The following RDH13 variants were observed in gnomAD, a reference collection of about 807,000 sequenced individuals.
RDH13 encodes the protein retinol dehydrogenase 13, also known as retinol dehydrogenase 13 (all-trans and 9-cis).
RDH13 carries 35 observed loss-of-function variants against 28.3 expected under a neutral mutation model. The observed-to-expected ratio is 1.24, with a 90% CI of 0.95 to 1.64. RDH13 has a LOEUF of 1.64. Ranked by LOEUF, RDH13 falls within the 40% of genes most tolerant of loss-of-function variation. The pLI is 0.00. For missense variants in RDH13, 514 were observed against 446.3 expected, an observed-to-expected ratio of 1.15 and a Z score of -1.37; for synonymous variants, 229 against 198.5, an observed-to-expected ratio of 1.15 and a Z score of -1.29.
At chr19:55,054,220 C>A (rs576408071) in intron 3 of RDH13, among the ~76,000 whole-genome samples, 233 of 152,340 alleles carry the variant, frequency 1.5e-3, no homozygotes, top group Middle Eastern at 3.4e-3. Flanking sequence ...ATTCCTTGTT[C>A]ATTTCCTGAG....
At chr19:55,052,521 A>AACAAG (rs1254810949) in intron 3 of RDH13, among the ~76,000 whole-genome samples, 9 of 149,010 alleles carry the variant, frequency 6.0e-5, no homozygotes, top group Non-Finnish European at 1.0e-4. Context: ...CAGCCTGGGC[A>AACAAG]ACAAGAGCAA....
chr19:55,049,724 G>A (rs1040188316), intron 3 of RDH13, among the ~76,000 whole-genome samples: 12 of 151,762 alleles, frequency 7.9e-5, no homozygotes, highest in Non-Finnish European at 1.6e-4. Flanking sequence ...AGGAGGCAGA[G>A]GGTGCAGTGA....
intron 3 of RDH13, among the ~76,000 whole-genome samples, chr19:55,051,645 G>C (rs2075439550): frequency 6.6e-6 from 1 of 151,646 alleles, no homozygotes. Context: ...GGTCAGGCTG[G>C]TCTTGAATTC....
At chr19:55,057,136 T>C (rs1421969040) in intron 2 of RDH13, among the ~76,000 whole-genome samples, 7 of 152,190 alleles carry the variant, frequency 4.6e-5, no homozygotes, top group Non-Finnish European at 7.3e-5. Flanking sequence ...CAATCCCATT[T>C]ACATGAATTC....
chr19:55,058,577 C>T (rs1435530277), intron 2 of RDH13, among the ~76,000 whole-genome samples: 3 of 152,232 alleles, frequency 2.0e-5, no homozygotes, highest in African/African-American at 7.2e-5. Context: ...CTGTAGGTAG[C>T]TCCTGTAAGT....
chr19:55,069,255 T>G (rs1372052603), intron 1 of RDH13: 1 of 143,572 alleles, frequency 7.0e-6, no homozygotes, highest in Non-Finnish European at 1.5e-5. Flanking sequence ...CCCTGTGTCA[T>G]AAGCGCCTCT....
chr19:55,043,117 TA>T (rs1210968707), downstream of RDH13: 2 of 152,236 alleles, frequency 1.3e-5, no homozygotes, highest in African/African-American at 4.8e-5. Flanking sequence ...GAAAGAAAAC[TA>T]AGGCCAGGTA....
intron 3 of RDH13, among the ~76,000 whole-genome samples, chr19:55,054,884 G>A (rs1259321484): frequency 6.6e-6 from 1 of 152,032 alleles, no homozygotes; most frequent in Admixed American, 6.6e-5. Context: ...TAATGCATAT[G>A]TTAATTAGCT....
chr19:55,064,586 T>C (rs1282406888), upstream of RDH13, among the ~76,000 whole-genome samples: 1 of 151,714 alleles, frequency 6.6e-6, no homozygotes, highest in Non-Finnish European at 1.5e-5. Context: ...GATTGGGAAG[T>C]CACAGGATTT....
intron 3 of RDH13, chr19:55,050,737 G>C (rs1474739162): frequency 6.6e-6 from 1 of 152,212 alleles, no homozygotes; most frequent in Non-Finnish European, 1.5e-5. Flanking sequence ...TGGGGGTTCA[G>C]GATCCCAACC....
At chr19:55,055,471 A>G (rs1016654433) in intron 3 of RDH13, among the ~76,000 whole-genome samples, 1 of 151,938 alleles carries the variant, frequency 6.6e-6, no homozygotes, top group Non-Finnish European at 1.5e-5. Flanking sequence ...TCTTCTTTAC[A>G]TTGCAGTATT....
At position 55,056,725 on chromosome 19, in the gene RDH13, G is replaced by A. The variant is rs1283565028; in HGVS notation, c.268C>T (p.His90Tyr). ...AAGTCCAGGTGCCGGGCGTTGACAT[G>A]GTGATTGAGGGTCTCCCCGCGGATG... is the stretch of plus-strand genomic sequence containing the variant. ...KDIRGETLNH[H>Y]VNARHLDLAS... The change falls in exon 3 of 7, where the codon CAT (histidine) becomes TAT (tyrosine). Residue 90 changes from histidine to tyrosine, a missense_variant. His to Tyr is a moderately conservative substitution (Grantham distance 83, BLOSUM62 2). Transcript: ENST00000415061. 12 of 1,613,944 alleles carry A rather than the reference G, an allele frequency of 7.4e-6. No individual in the cohort carries two copies. Among genetic ancestry groups the A allele is most frequent in the Non-Finnish European group, 1.0e-5 (12 of 1,180,028 alleles).
At chr19:55,040,753 G>A (rs374068754), downstream of RDH13, 11 of 152,322 alleles carry the variant, frequency 7.2e-5, no homozygotes, top group Admixed American at 3.3e-4. Context: ...AATTGTTGGC[G>A]TTTTTGTTTG....
intron 1 of RDH13, among the ~76,000 whole-genome samples, chr19:55,061,782 C>T (rs752712411): frequency 1.5e-5 from 2 of 137,818 alleles, no homozygotes; most frequent in South Asian, 2.5e-4. Context: ...GACAGAGAGA[C>T]CCTGTCTCCA....
Position 55,063,045 on chromosome 19 carries a change from A to ACAGGTGT in RDH13, c.-14_-13insACACCTG. 1 of 1,241,892 alleles carries ACAGGTGT rather than the reference A, an allele frequency of 8.1e-7. No homozygotes were observed. 76.9% of individuals were successfully genotyped at this position (1,241,892 alleles called of 1,614,324 possible). On this transcript the variant is annotated 5_prime_UTR_variant, in exon 1 of 7. Coordinates refer to ENST00000415061, the MANE Select transcript of RDH13 (RefSeq NM_001145971.2). ...GGTAGCGGCTCATGCCGGGCCGGGG[A>ACAGGTGT]CAGGCGTCAGGCGTCAGGGGTCGGC...
At position 55,048,478 on chromosome 19, in the gene RDH13, A is replaced by ATT; in HGVS notation, c.508_509insAA (p.Ile170LysfsTer14). Reference sequence around the variant, plus strand: ...AACATGGGCCAGGGACGAGAGGTTGATGATCCGCGAAGGGGCTGAGGCTTT... The same window carrying ATT: ...AACATGGGCCAGGGACGAGAGGTTGATTTGATCCGCGAAGGGGCTGAGGCTTT... On this transcript the variant is annotated frameshift_variant, in exon 5 of 7. Transcript: ENST00000415061. LOFTEE classifies it high-confidence loss of function. 1 of 1,614,224 alleles carries ATT rather than the reference A, an allele frequency of 6.2e-7. No individual in the cohort carries two copies. The highest frequency in any genetic ancestry group is 8.5e-7 in the Non-Finnish European group (1 of 1,180,048).
At chr19:55,058,873 G>A (rs1004691253) in intron 2 of RDH13, among the ~76,000 whole-genome samples, 2 of 152,156 alleles carry the variant, frequency 1.3e-5, no homozygotes, top group Admixed American at 1.3e-4. Flanking sequence ...TAGAGAGGGG[G>A]TTTCACCATG....
At chr19:55,059,036 GT>G (rs2075726826) in intron 2 of RDH13, 120 bp downstream of exon 2, 5 of 675,436 alleles carry the variant, frequency 7.4e-6, no homozygotes, top group Non-Finnish European at 1.3e-5. Flanking sequence ...GCCACATTCT[GT>G]TTCCCTGTTC....
chr19:55,047,364 C>A (rs539832438), intron 6 of RDH13, 23 bp downstream of exon 6: 2 of 1,607,056 alleles, frequency 1.2e-6, no homozygotes, highest in Middle Eastern at 1.8e-4. Flanking sequence ...CACGTGGAGA[C>A]CCCAGGCTGG....
Sources: allele counts gnomAD v4.1 joint callset (sites outside exome capture counted in the v4.1 genomes callset), GRCh38; gene constraint gnomAD v4.1.1; transcripts MANE v1.5; gene names NCBI Gene and HGNC (gene_info 2026-07-23, HGNC 2026-07-21).